MSL2: variants seen among roughly 807,000 people sequenced by gnomAD.
The protein encoded by MSL2 is MSL complex subunit 2.
Under a neutral mutation model 35.8 loss-of-function variants are expected in MSL2, and 2 were observed. The ratio of observed to expected loss-of-function variants is 0.06; its 90% CI spans 0.02 to 0.18. The LOEUF (loss-of-function observed/expected upper bound fraction) is 0.18, where lower values mean the gene tolerates loss of function less well. MSL2 is among the 10% of genes least tolerant of loss of function. The pLI is 1.00. For missense variants in MSL2, 523 were observed against 706.7 expected (o/e 0.74, Z 2.95); for synonymous variants, 296 against 255.7 (o/e 1.16, Z -1.50).
intron 1 of MSL2, among the ~76,000 whole-genome samples, chr3:136,174,638 C>A (rs72985447): frequency 5.3e-4 from 81 of 152,252 alleles, no homozygotes; most frequent in African/African-American, 1.9e-3. Context: ...CCTTACTGCA[C>A]AAAAACTGGA....
intron 1 of MSL2, among the ~76,000 whole-genome samples, chr3:136,188,385 G>T (rs571877022): frequency 1.3e-5 from 2 of 150,198 alleles, no homozygotes; most frequent in Admixed American, 6.7e-5. Context: ...AGTGAGCCGA[G>T]ATCGCACCAC....
chr3:136,169,495 C>CTGCAG (rs1455547761), intron 1 of MSL2, among the ~76,000 whole-genome samples: 1 of 152,114 alleles, frequency 6.6e-6, no homozygotes, highest in African/African-American at 2.4e-5. Context: ...GTCACCTAGG[C>CTGCAG]TGCAGTGGAG....
At chr3:136,177,764 A>T (rs1368953805) in intron 1 of MSL2, among the ~76,000 whole-genome samples, 1 of 152,000 alleles carries the variant, frequency 6.6e-6, no homozygotes, top group Non-Finnish European at 1.5e-5. Flanking sequence ...CGTTCACTAT[A>T]GCACTTTAAA....
In MSL2 at chr3:136,151,137, AC is replaced by A; in HGVS notation, c.*9del. The A allele has an allele frequency of 6.2e-7, 1 of 1,604,388 alleles. No homozygotes were observed. Among genetic ancestry groups the A allele is most frequent in the Non-Finnish European group, 8.5e-7 (1 of 1,171,910 alleles). On this transcript the variant is annotated 3_prime_UTR_variant, in exon 2 of 2. Coordinates refer to ENST00000309993, the MANE Select transcript of MSL2 (RefSeq NM_018133.4). This position sits in a 1 kb window ranked among gnomAD's most constrained non-coding sequence, Gnocchi z 5.2. ...TCCCTACCAGGAGTAGGTTTAAAAG[AC>A]CCACTGATTTAACAGTCGAATCTCA...
intron 1 of MSL2, among the ~76,000 whole-genome samples, chr3:136,168,928 T>C (rs974091137): frequency 1.3e-5 from 2 of 151,264 alleles, no homozygotes; most frequent in Non-Finnish European, 2.9e-5. Flanking sequence ...GCTACAATCA[T>C]ATATACAGAA....
intron 1 of MSL2, among the ~76,000 whole-genome samples, chr3:136,183,486 G>T (rs541212699): frequency 6.6e-6 from 1 of 151,934 alleles, no homozygotes; most frequent in Non-Finnish European, 1.5e-5. Context: ...GCAGTGGCAC[G>T]ACCTCGATCA....
At position 136,194,829 on chromosome 3, in the gene MSL2, T is replaced by C. The variant is rs1186464487; in HGVS notation, c.142+143A>G. On this transcript the variant is annotated intron_variant, in intron 1 of 1. Coordinates refer to ENST00000309993, the MANE Select transcript of MSL2 (RefSeq NM_018133.4). ...CGCCGGGCAAAAGTCCCTCAGCAAGTTTCAAAACTAATGACCGTACAGCGC... is the reference window on the plus strand; with the variant it reads ...CGCCGGGCAAAAGTCCCTCAGCAAGCTTCAAAACTAATGACCGTACAGCGC... 8 of 1,339,462 alleles carry C rather than the reference T, an allele frequency of 6.0e-6. No individual in the cohort carries two copies. The East Asian group carries it at 1.9e-4, about 32-fold the overall frequency. The allele number at this position is 1,339,462 out of a possible 1,614,324, so 83.0% of individuals were successfully genotyped here.
chr3:136,180,658 C>G (rs150120793), intron 1 of MSL2, among the ~76,000 whole-genome samples: 3,733 of 150,216 alleles, frequency 0.025, 166 homozygotes, highest in African/African-American at 0.087. Context: ...CAAGATCGCA[C>G]CACTGCACTC....
intron 1 of MSL2, among the ~76,000 whole-genome samples, chr3:136,169,570 T>A (rs748222663): frequency 2.6e-5 from 4 of 152,028 alleles, no homozygotes; most frequent in Non-Finnish European, 5.9e-5. Context: ...TGCCTCAACC[T>A]CCTGAGTAAC....
chr3:136,188,307 G>GC (rs1291526396), intron 1 of MSL2, among the ~76,000 whole-genome samples: 1 of 151,990 alleles, frequency 6.6e-6, no homozygotes, highest in Non-Finnish European at 1.5e-5. Flanking sequence ...GGTGGGGCAT[G>GC]CCTATAGTCC....
chr3:136,157,196 T>TGGGCTGATCACCTGAGGTCAGGAAGGC (rs1475851674), intron 1 of MSL2, among the ~76,000 whole-genome samples: 1 of 149,150 alleles, frequency 6.7e-6, no homozygotes, highest in East Asian at 1.9e-4. Flanking sequence ...GAGGCCAAGG[T>TGGGCTGATCACCTGAGGTCAGGAAGGC]GGGCTGATCA....
chr3:136,150,906 G>T lies in MSL2; in HGVS notation c.*241C>A. 2.1e-6 allele frequency: 1 copy of T among 469,534 alleles called. No individual in the cohort carries two copies. The highest frequency in any genetic ancestry group is 3.8e-6 in the Non-Finnish European group (1 of 262,530). 29.1% of individuals were successfully genotyped at this position (469,534 alleles called of 1,614,324 possible). A position where few individuals can be genotyped will look rare whatever the true frequency, so the allele number is the denominator to read the frequency against. On this transcript the variant is annotated 3_prime_UTR_variant, in exon 2 of 2. Coordinates refer to ENST00000309993, the MANE Select transcript of MSL2 (RefSeq NM_018133.4). ...AAAGTTCATTTTGTATAAATCAGTT[G>T]CATCAGCTTTGTTCTCAAACTATGA...
intron 1 of MSL2, among the ~76,000 whole-genome samples, chr3:136,176,721 C>T (rs1940192545): frequency 6.6e-6 from 1 of 152,056 alleles, no homozygotes. Context: ...CTCTCTCTTG[C>T]TCCTTCTTTC....
At chr3:136,162,524 G>A (rs1939737308) in intron 1 of MSL2, among the ~76,000 whole-genome samples, 1 of 152,080 alleles carries the variant, frequency 6.6e-6, no homozygotes, top group South Asian at 2.1e-4. Context: ...AGGTTGCAGT[G>A]AGCCGAGATT....
At chr3:136,185,541 G>T (rs1353759800) in intron 1 of MSL2, among the ~76,000 whole-genome samples, 1 of 70,710 alleles carries the variant, frequency 1.4e-5, no homozygotes, top group East Asian at 4.0e-3. Context: ...TTTTTTTGGA[G>T]GGGGGGGTGG....
intron 1 of MSL2, among the ~76,000 whole-genome samples, chr3:136,191,274 C>T (rs1052646036): frequency 6.6e-6 from 1 of 152,018 alleles, no homozygotes; most frequent in African/African-American, 2.4e-5. Flanking sequence ...CAAGACCAGC[C>T]TGGCCAACAT....
At chr3:136,194,397 G>C (rs1447539760) in intron 1 of MSL2, 1 of 984,912 alleles carries the variant, frequency 1.0e-6, no homozygotes, top group African/African-American at 1.7e-5. Flanking sequence ...AGTCTCACCA[G>C]CTAAAAAGCA....
intron 1 of MSL2, chr3:136,156,028 T>A (rs1006197192): frequency 3.3e-6 from 1 of 306,488 alleles, no homozygotes; most frequent in Non-Finnish European, 6.5e-6. Flanking sequence ...ACCAACTACT[T>A]CTTACCTCTC....
chr3:136,195,969 C>A lies in MSL2; in HGVS notation c.-856G>T. Reference sequence around the variant, plus strand: ...GACTCAAGCGCCGCCCCCTCACTGCCCGGCCATTTTTTCGGCGCCACACAC... The same window carrying A: ...GACTCAAGCGCCGCCCCCTCACTGCACGGCCATTTTTTCGGCGCCACACAC... On this transcript the variant is annotated 5_prime_UTR_variant, in exon 1 of 2. Transcript: ENST00000309993. 3.3e-6 allele frequency: 1 copy of A among 302,788 alleles called. No homozygotes were observed. The highest frequency in any genetic ancestry group is 1.3e-4 in the South Asian group (1 of 7,776). The allele number at this position is 302,788 out of a possible 1,614,324, so 18.8% of individuals were successfully genotyped here.
Sources: gnomAD v4.1 joint callset for allele counts (sites outside exome capture counted in the v4.1 genomes callset) on GRCh38, gnomAD v4.1.1 for gene constraint, Gnocchi (gnomAD v3.1) non-coding constraint, MANE v1.5 for transcripts, NCBI Gene and HGNC (gene_info 2026-07-23, HGNC 2026-07-21) for gene names.